OLA1: variants seen among roughly 807,000 people sequenced by gnomAD.
OLA1 encodes the protein Obg like ATPase 1.
OLA1 carries 14 observed loss-of-function variants against 48.4 expected under a neutral mutation model. The ratio of observed to expected loss-of-function variants is 0.29; its 90% CI spans 0.19 to 0.45. OLA1 has a LOEUF of 0.45. OLA1 is among the 20% of genes least tolerant of loss of function. OLA1 has a pLI of 1.00. For missense variants in OLA1, 325 were observed against 467.1 expected (o/e 0.70, Z 2.80); for synonymous variants, 127 against 150.4 (o/e 0.84, Z 1.14).
chr2:174,081,176 A>T lies in OLA1; in HGVS notation c.942T>A (p.Asp314Glu), dbSNP rs751640548. The T allele has an allele frequency of 6.2e-6, 10 of 1,612,350 alleles. No homozygotes were observed. Among genetic ancestry groups the T allele is most frequent in the Non-Finnish European group, 6.8e-6 (8 of 1,178,962 alleles). The change falls in exon 9 of 11, where the codon GAT (aspartate) becomes GAA (glutamate). Residue 314 changes from aspartate (D) to glutamate (E), a missense_variant. Asp to Glu is a conservative substitution (Grantham distance 45). Coordinates refer to ENST00000284719, the MANE Select transcript of OLA1 (RefSeq NM_013341.5). ...QLEYFFTAGP[D>E]EVRAWTIRKG... ...CCCTGATGGTCCATGCACGCACTTC[A>T]TCTGGGCCTGCAGTGAAAAAGTATT...
intron 4 of OLA1, among the ~76,000 whole-genome samples, chr2:174,188,352 A>G (rs1395553471): frequency 2.0e-5 from 3 of 149,928 alleles, no homozygotes; most frequent in African/African-American, 7.4e-5. Context: ...AATTGCCTCT[A>G]ATGTTTCTTT....
At chr2:174,224,316 T>G (rs1253998359) in intron 3 of OLA1, among the ~76,000 whole-genome samples, 5 of 152,202 alleles carry the variant, frequency 3.3e-5, no homozygotes, top group African/African-American at 9.7e-5. Context: ...TTCATTTTGG[T>G]AGCCATTCCT....
chr2:174,224,822 G>A (rs537092906), intron 3 of OLA1, among the ~76,000 whole-genome samples: 2 of 152,040 alleles, frequency 1.3e-5, no homozygotes, highest in African/African-American at 4.8e-5. Context: ...ATTGAAGAGG[G>A]GAAAGAAGCC....
rs1471822024 is a variant in OLA1 at position 174,229,323 on chromosome 2, T to A, written c.230A>T (p.Tyr77Phe). The A allele has an allele frequency of 9.3e-6, 15 of 1,612,136 alleles. No homozygotes were observed. The highest frequency in any genetic ancestry group is 1.3e-5 in the African/African-American group (1 of 74,884). Reference protein sequence around the residue: ...PDERFDFLCQYHKPASKIPAF... With the variant: ...PDERFDFLCQFHKPASKIPAF... ...TATCTCTTACCTTGCTGGTTTGTGG[T>A]ATTGACAAAGAAAGTCAAACCTTTC... Residue 77 changes from tyrosine to phenylalanine, a missense_variant, in exon 3 of 11, where the codon TAC (tyrosine) becomes TTC (phenylalanine). By Grantham distance (22) the Tyr-to-Phe change is conservative. Transcript: ENST00000284719.
At chr2:174,123,130 G>A (rs569205635) in intron 7 of OLA1, 50 bp downstream of exon 7, 14 of 816,602 alleles carry the variant, frequency 1.7e-5, no homozygotes, top group Admixed American at 1.6e-4. Flanking sequence ...GTGTGTTTGT[G>A]TGTGTACAGA....
intron 4 of OLA1, among the ~76,000 whole-genome samples, chr2:174,158,530 T>A (rs879678104): frequency 2.6e-5 from 4 of 151,922 alleles, no homozygotes; most frequent in Non-Finnish European, 5.9e-5. Flanking sequence ...AATCAGAAAA[T>A]CATAAATAAG....
chr2:174,189,920 C>T (rs1343309547), intron 4 of OLA1, among the ~76,000 whole-genome samples: 3 of 147,624 alleles, frequency 2.0e-5, no homozygotes, highest in African/African-American at 7.4e-5. Flanking sequence ...CAAGTACCCA[C>T]CAATACTGAA....
rs186957001 is a variant in OLA1 at position 174,213,221 on chromosome 2, C to T, written c.373+9812G>A. On this transcript the variant is annotated intron_variant, in intron 4 of 10. Transcript: ENST00000284719. Reference sequence around the variant, plus strand: ...CCATATATGAGACCCTCCTACTATACGTTTCTAAACCGGGAAGAAAACTGT... The same window carrying T: ...CCATATATGAGACCCTCCTACTATATGTTTCTAAACCGGGAAGAAAACTGT... Among the ~76,000 whole-genome samples the T allele has an allele frequency of 3.9e-5, 6 of 152,242 alleles. No individual in the cohort carries two copies. In the East Asian group the frequency reaches 7.7e-4, roughly 20 times the overall value.
chr2:174,090,684 G>A (rs941124035), intron 7 of OLA1, among the ~76,000 whole-genome samples: 6 of 152,216 alleles, frequency 3.9e-5, no homozygotes, highest in African/African-American at 1.4e-4. Flanking sequence ...GGGAAGTGGG[G>A]AAAGATGGGA....
chr2:174,083,089 A>G (rs534412058), intron 7 of OLA1, among the ~76,000 whole-genome samples: 1 of 152,280 alleles, frequency 6.6e-6, no homozygotes, highest in Non-Finnish European at 1.5e-5. Context: ...ATACATTCCT[A>G]TGAATCTGGA....
intron 5 of OLA1, among the ~76,000 whole-genome samples, chr2:174,135,243 T>C (rs904109246): frequency 4.0e-5 from 6 of 151,160 alleles, no homozygotes; most frequent in Middle Eastern, 3.2e-3. Context: ...GTAAAATCAG[T>C]ACGTTTAAAG....
intron 7 of OLA1, among the ~76,000 whole-genome samples, chr2:174,105,704 T>C (rs889367556): frequency 6.6e-6 from 1 of 152,062 alleles, no homozygotes; most frequent in East Asian, 1.9e-4. Flanking sequence ...AGTTTACTTT[T>C]CTCACTGGTT....
chr2:174,081,890 T>C (rs1223073830), intron 8 of OLA1, 34 bp downstream of exon 8: 1 of 1,600,986 alleles, frequency 6.2e-7, no homozygotes, highest in Admixed American at 1.7e-5. Flanking sequence ...AAATAGTTGA[T>C]AATAAAGTGT....
intron 7 of OLA1, among the ~76,000 whole-genome samples, chr2:174,096,080 C>T (rs1169062720): frequency 6.6e-6 from 1 of 152,092 alleles, no homozygotes; most frequent in African/African-American, 2.4e-5. Context: ...AGTAGTATAT[C>T]CATACAACAG....
chr2:174,247,209 A>C (rs1222249302), intron 1 of OLA1: 1 of 164,054 alleles, frequency 6.1e-6, no homozygotes, highest in Admixed American at 6.2e-5. Context: ...AAAAAGAAAA[A>C]CAAATACAAA....
At chr2:174,200,816 T>C (rs12992681) in intron 4 of OLA1, among the ~76,000 whole-genome samples, 40,201 of 152,060 alleles carry the variant, frequency 0.26, 6,109 homozygotes, top group Non-Finnish European at 0.35. Flanking sequence ...CTTAAGACAG[T>C]AAAGCATTTC....
At chr2:174,190,930 G>A (rs1356853677) in intron 4 of OLA1, among the ~76,000 whole-genome samples, 2 of 98,980 alleles carry the variant, frequency 2.0e-5, no homozygotes, top group African/African-American at 4.1e-5. Context: ...GGGCAACAGA[G>A]CAAGACTTCG....
At chr2:174,095,820 T>G (rs902656411) in intron 7 of OLA1, among the ~76,000 whole-genome samples, 4 of 152,098 alleles carry the variant, frequency 2.6e-5, no homozygotes, top group African/African-American at 9.7e-5. Context: ...AGAACTCTTA[T>G]AACTCAACGA....
chr2:174,074,359 A>G lies in OLA1; in HGVS notation c.*1067T>C, dbSNP rs1354353745. The G allele has an allele frequency of 6.6e-6, 1 of 152,242 alleles. No homozygotes were observed. Among genetic ancestry groups the G allele is most frequent in the African/African-American group, 2.4e-5 (1 of 41,454 alleles). The allele number at this position is 152,242 out of a possible 1,614,324, so 9.4% of individuals were successfully genotyped here. A position where few individuals can be genotyped will look rare whatever the true frequency, so the allele number is the denominator to read the frequency against. On this transcript the variant is annotated 3_prime_UTR_variant, in exon 11 of 11. Coordinates refer to ENST00000284719, the MANE Select transcript of OLA1 (RefSeq NM_013341.5). ...AGGCCATCATCACAAGAGAAGGCTA[A>G]GTGGCAAAGGGTCTCCAAATTACCA...
Sources: gnomAD v4.1 joint callset for allele counts (sites outside exome capture counted in the v4.1 genomes callset) on GRCh38, gnomAD v4.1.1 for gene constraint, MANE v1.5 for transcripts, NCBI Gene and HGNC (gene_info 2026-07-23, HGNC 2026-07-21) for gene names.